The following PCDHA3 variants were observed in gnomAD, a reference collection of about 807,000 sequenced individuals.
The protein encoded by PCDHA3 is protocadherin alpha-3.
A neutral mutation model predicts 62.2 loss-of-function variants in PCDHA3; 41 were observed. The ratio of observed to expected loss-of-function variants is 0.66; its 90% confidence interval spans 0.51 to 0.86. PCDHA3 has a LOEUF of 0.86. Among genes scored for constraint, PCDHA3 ranks in the 40% least tolerant of loss-of-function variants. The pLI, the probability that PCDHA3 is intolerant of heterozygous loss-of-function variation, is 0.00. For missense variants in PCDHA3, 1,304 were observed against 1,241.2 expected (o/e 1.05, Z -0.76); for synonymous variants, 640 against 555.4 (o/e 1.15, Z -2.14).
intron 1 of PCDHA3, among the ~76,000 whole-genome samples, chr5:140,905,926 A>G (rs1040903041): frequency 6.6e-6 from 1 of 152,318 alleles, no homozygotes; most frequent in East Asian, 1.9e-4. Flanking sequence ...TCTGAGTCCC[A>G]AAGCTGAAGA....
At chr5:140,918,940 A>G (rs541337613) in intron 1 of PCDHA3, among the ~76,000 whole-genome samples, 1 of 152,212 alleles carries the variant, frequency 6.6e-6, no homozygotes, top group Non-Finnish European at 1.5e-5. Context: ...TTTTGTTATA[A>G]TATCCTGAAC....
chr5:140,868,562 A>C (rs2153231296), intron 1 of PCDHA3: 1 of 152,960 alleles, frequency 6.5e-6, no homozygotes, highest in South Asian at 2.1e-4. Flanking sequence ...TTTTTATATG[A>C]GGAACAACAC....
chr5:140,824,708 T>A (rs1554130043), intron 1 of PCDHA3: 1 of 146,138 alleles, frequency 6.8e-6, no homozygotes, highest in African/African-American at 2.5e-5. Flanking sequence ...CATGCTCCCG[T>A]CTCAGCCTCC....
intron 1 of PCDHA3, chr5:140,829,589 G>A (rs1770412729): frequency 3.7e-6 from 6 of 1,611,976 alleles, no homozygotes; most frequent in Non-Finnish European, 5.1e-6. Flanking sequence ...GCGGCGGGTG[G>A]GCGAGCGCGC....
At chr5:140,910,619 C>T (rs1554194336) in intron 1 of PCDHA3, among the ~76,000 whole-genome samples, 1 of 152,226 alleles carries the variant, frequency 6.6e-6, no homozygotes, top group Non-Finnish European at 1.5e-5. Context: ...TAATCCACTC[C>T]ACCATCCCAA....
intron 3 of PCDHA3, chr5:140,988,965 TG>T (rs1227130828): frequency 6.6e-6 from 1 of 152,162 alleles, no homozygotes; most frequent in Non-Finnish European, 1.5e-5. Context: ...AGCCCCACGA[TG>T]GAGAGAAGCA....
chr5:140,823,319 A>G, intron 1 of PCDHA3: 10 of 1,612,228 alleles, frequency 6.2e-6, no homozygotes, highest in Non-Finnish European at 7.6e-6. Context: ...GAGAGCGGCA[A>G]GGTGTACGCG....
chr5:140,819,945 T>C (rs1197937432), intron 1 of PCDHA3, among the ~76,000 whole-genome samples: 1 of 152,020 alleles, frequency 6.6e-6, no homozygotes, highest in East Asian at 1.9e-4. Flanking sequence ...GCCTTTTAAA[T>C]ACTTAATATT....
In PCDHA3 at chr5:140,869,777, C is replaced by A. The variant is rs184691375; in HGVS notation, c.2394+66186C>A. On this transcript the variant is annotated intron_variant, in intron 1 of 3. Transcript: ENST00000522353. ...GGGGGAAAACCAGAGCTTACTGGCA[C>A]CGTTCGGCTGTTAGTCCAAGTCTTG... The A allele has an allele frequency of 1.0e-4, 167 of 1,612,982 alleles. 1 individual carries two copies. The highest frequency in any genetic ancestry group is 6.8e-6 in the Non-Finnish European group (8 of 1,179,600).
At chr5:140,932,145 C>G (rs1231469475) in intron 1 of PCDHA3, among the ~76,000 whole-genome samples, 2 of 151,710 alleles carry the variant, frequency 1.3e-5, no homozygotes, top group African/African-American at 4.8e-5. Context: ...AAAATTGATT[C>G]ACTGATTGTA....
At chr5:140,951,541 G>C (rs1029557427) in intron 1 of PCDHA3, among the ~76,000 whole-genome samples, 5 of 152,092 alleles carry the variant, frequency 3.3e-5, no homozygotes, top group African/African-American at 1.2e-4. Flanking sequence ...AGGAGCAAGG[G>C]ACGGGGGGAA....
At chr5:140,817,834 TTA>T (rs1554127320) in intron 1 of PCDHA3, among the ~76,000 whole-genome samples, 2 of 152,224 alleles carry the variant, frequency 1.3e-5, no homozygotes, top group Non-Finnish European at 2.9e-5. Flanking sequence ...TGTCTTAATT[TTA>T]CTATCACTTT....
At chr5:140,986,005 C>G (rs912493095) in intron 3 of PCDHA3, among the ~76,000 whole-genome samples, 1 of 152,040 alleles carries the variant, frequency 6.6e-6, no homozygotes, top group African/African-American at 2.4e-5. Flanking sequence ...TCCCAAAGTG[C>G]TGGGATTACA....
intron 1 of PCDHA3, chr5:140,824,044 G>T: frequency 6.2e-7 from 1 of 1,614,184 alleles, no homozygotes; most frequent in Middle Eastern, 1.6e-4. Flanking sequence ...GAGACAGAGG[G>T]TGTGCTCTGG....
chr5:140,959,842 C>G (rs1219308136), intron 1 of PCDHA3, among the ~76,000 whole-genome samples: 2 of 152,118 alleles, frequency 1.3e-5, no homozygotes, highest in African/African-American at 4.8e-5. Context: ...ATGCCTGTAA[C>G]TGCTAAAGGA....
At chr5:140,817,694 A>G (rs1766179696) in intron 1 of PCDHA3, 1 of 152,184 alleles carries the variant, frequency 6.6e-6, no homozygotes, top group South Asian at 2.1e-4. Context: ...CACACAGTAC[A>G]TTATTATCAT....
At chr5:141,009,036 T>C (rs782309668) in intron 3 of PCDHA3, among the ~76,000 whole-genome samples, 7 of 152,242 alleles carry the variant, frequency 4.6e-5, no homozygotes, top group Non-Finnish European at 1.0e-4. Context: ...TCCCATCCCG[T>C]TCCCAGTCAA....
At chr5:140,929,276 G>A (rs1554206920) in intron 1 of PCDHA3, 2 of 1,604,822 alleles carry the variant, frequency 1.2e-6, no homozygotes, top group African/African-American at 1.3e-5. Flanking sequence ...CCAATATCCT[G>A]TATTCAGATT....
chr5:140,967,154 G>A, intron 1 of PCDHA3: 2 of 1,610,730 alleles, frequency 1.2e-6, no homozygotes, highest in Non-Finnish European at 1.7e-6. Flanking sequence ...CAACCCCGTG[G>A]CGGTGAGCGC....
Sources: allele counts gnomAD v4.1 joint callset (sites outside exome capture counted in the v4.1 genomes callset), GRCh38; gene constraint gnomAD v4.1.1; transcripts MANE v1.5; gene names NCBI Gene and HGNC (gene_info 2026-07-23, HGNC 2026-07-21).